The following LDAH variants were observed in gnomAD, a reference collection of about 807,000 sequenced individuals.
The protein encoded by LDAH is lipid droplet-associated hydrolase.
In LDAH, 26 loss-of-function variants were observed where a neutral mutation model predicts 29.6. The ratio of observed to expected loss-of-function variants is 0.88; its 90% CI spans 0.64 to 1.22. The LOEUF (loss-of-function observed/expected upper bound fraction) is 1.22. Ranked by LOEUF, LDAH falls within the 50% of genes most tolerant of loss-of-function variation. LDAH has a pLI of 0.00. For missense variants in LDAH, 344 were observed against 387.3 expected, an observed-to-expected ratio of 0.89 and a Z score of 0.94; for synonymous variants, 117 against 133.0, an observed-to-expected ratio of 0.88 and a Z score of 0.83.
chr2:20,697,584 C>A (rs1663582793), intron 6 of LDAH, among the ~76,000 whole-genome samples: 2 of 152,150 alleles, frequency 1.3e-5, no homozygotes, highest in Admixed American at 6.5e-5. Context: ...CACCCTGTTA[C>A]TCCCATGCTT....
In LDAH at chr2:20,719,198, C is replaced by A. The variant is rs75743331; in HGVS notation, c.704-17546G>T. 5.3e-5 allele frequency among the ~76,000 whole-genome samples: 7 copies of A among 133,260 alleles called. No individual in the cohort carries two copies. In the South Asian group the frequency reaches 1.2e-3, roughly 23 times the overall value. 87.4% of individuals were successfully genotyped at this position (133,260 alleles called of 152,430 possible). ...AATAAATAAAATGGAGACTAAAAAACCACAAAAGATCAATAAAATGAAAAA... is the reference window on the plus strand; with the variant it reads ...AATAAATAAAATGGAGACTAAAAAAACACAAAAGATCAATAAAATGAAAAA... On this transcript the variant is annotated intron_variant, in intron 5 of 6. Transcript: ENST00000237822.
intron 3 of LDAH, among the ~76,000 whole-genome samples, chr2:20,781,915 T>C (rs1362631090): frequency 6.6e-6 from 1 of 152,310 alleles, no homozygotes; most frequent in East Asian, 1.9e-4. Flanking sequence ...TACTAAGTTA[T>C]TAACTCAATA....
chr2:20,813,103 T>C lies in LDAH; in HGVS notation c.-3+9934A>G, dbSNP rs557827239. Among the ~76,000 whole-genome samples the C allele has an allele frequency of 4.6e-5, 7 of 152,312 alleles. No homozygotes were observed. The East Asian group carries it at 5.8e-4, about 13-fold the overall frequency. On this transcript the variant is annotated intron_variant, in intron 1 of 6. Coordinates refer to ENST00000237822, the MANE Select transcript of LDAH (RefSeq NM_021925.4). The stretch of plus-strand genomic sequence containing the variant: ...ATTTTTAAAATTCTACTTATATGCA[T>C]ATATATAATTTCACTTATATGGATA...
In LDAH at chr2:20,685,022, G is replaced by A; in HGVS notation, c.*1881C>T. The stretch of plus-strand genomic sequence containing the variant: ...AACTGCTCAAATTGTACCCTCTCTT[G>A]CCCAACACAGAGATCAGGCCAGACC... On this transcript the variant is annotated 3_prime_UTR_variant, in exon 7 of 7. Coordinates refer to ENST00000237822, the MANE Select transcript of LDAH (RefSeq NM_021925.4). 1 of 1,465,592 alleles carries A rather than the reference G, an allele frequency of 6.8e-7. No individual in the cohort carries two copies. The highest frequency in any genetic ancestry group is 9.2e-7 in the Non-Finnish European group (1 of 1,087,402). 90.8% of individuals were successfully genotyped at this position (1,465,592 alleles called of 1,614,324 possible).
chr2:20,778,582 T>A (rs544869411), intron 3 of LDAH, among the ~76,000 whole-genome samples: 4 of 152,190 alleles, frequency 2.6e-5, no homozygotes, highest in Admixed American at 6.5e-5. Context: ...CCCTTGGTAT[T>A]ATTGAAAGTA....
chr2:20,757,767 C>T lies in LDAH; in HGVS notation c.468+17043G>A, dbSNP rs370483464. On this transcript the variant is annotated intron_variant, in intron 4 of 6. Coordinates refer to ENST00000237822, the MANE Select transcript of LDAH (RefSeq NM_021925.4). ...GTTTAATAAAAGAGAATTCCTTCTG[C>T]CTGACCACCTTCAAGCTAGGACTTT... Among the ~76,000 whole-genome samples, 3 of 152,176 alleles carry T rather than the reference C, an allele frequency of 2.0e-5. No individual in the cohort carries two copies. The South Asian group carries it at 6.2e-4, about 32-fold the overall frequency.
At chr2:20,822,882 G>C (rs969246536) in intron 1 of LDAH, among the ~76,000 whole-genome samples, 155 bp downstream of exon 1, 2 of 152,220 alleles carry the variant, frequency 1.3e-5, no homozygotes, top group Admixed American at 1.3e-4. Context: ...GCGAGCTGTC[G>C]GAACAGTATT....
intron 3 of LDAH, among the ~76,000 whole-genome samples, chr2:20,777,132 T>C (rs757516958): frequency 1.3e-5 from 2 of 152,224 alleles, no homozygotes; most frequent in African/African-American, 4.8e-5. Flanking sequence ...CCTCCAAATA[T>C]ATACCAAGAA....
At chr2:20,812,536 C>T (rs140776321) in intron 1 of LDAH, among the ~76,000 whole-genome samples, 67 of 152,328 alleles carry the variant, frequency 4.4e-4, no homozygotes, top group African/African-American at 1.5e-3. Context: ...ATAAACCCTA[C>T]ATCATGACTT....
intron 4 of LDAH, among the ~76,000 whole-genome samples, chr2:20,759,911 T>A (rs1668563082): frequency 6.6e-6 from 1 of 152,220 alleles, no homozygotes; most frequent in Non-Finnish European, 1.5e-5. Flanking sequence ...CCACAGGGCC[T>A]CTCAATATCC....
chr2:20,820,552 GGC>G (rs1673190583), intron 1 of LDAH, among the ~76,000 whole-genome samples: 1 of 152,204 alleles, frequency 6.6e-6, no homozygotes, highest in South Asian at 2.1e-4. Context: ...TGGGAAAACT[GGC>G]TAGCCATATG....
chr2:20,694,709 G>C (rs996771332), intron 6 of LDAH, among the ~76,000 whole-genome samples: 1 of 152,194 alleles, frequency 6.6e-6, no homozygotes, highest in Non-Finnish European at 1.5e-5. Context: ...GGAGCGGTGG[G>C]AATGGGAGCG....
chr2:20,791,001 GTCTTCACAGCTACTAGTCCATT>G (rs1670909682), intron 2 of LDAH, among the ~76,000 whole-genome samples: 1 of 152,146 alleles, frequency 6.6e-6, no homozygotes, highest in Non-Finnish European at 1.5e-5. Context: ...TCTATATAAA[GTCTTCACAGCTACTAGTCCATT>G]TCCATCAATA....
chr2:20,704,861 G>C (rs1249294916), intron 5 of LDAH, among the ~76,000 whole-genome samples: 2 of 152,120 alleles, frequency 1.3e-5, no homozygotes, highest in Non-Finnish European at 2.9e-5. Context: ...ATTCCCAAAT[G>C]TACAAACACA....
At position 20,684,697 on chromosome 2, in the gene LDAH, C is replaced by A. The variant is rs961726013; in HGVS notation, c.*2206G>T. ...AGAGGGCTTGTGGAGATGCTTATGGCTGGGAACAGACTAGGAACAAACACG... is the reference window on the plus strand; with the variant it reads ...AGAGGGCTTGTGGAGATGCTTATGGATGGGAACAGACTAGGAACAAACACG... On this transcript the variant is annotated 3_prime_UTR_variant, in exon 7 of 7. Transcript: ENST00000237822. The A allele has an allele frequency of 8.7e-5, 50 of 575,716 alleles. No individual in the cohort carries two copies. In the African/African-American group the frequency reaches 8.9e-4, roughly 10 times the overall value. The allele number at this position is 575,716 out of a possible 1,614,324, so 35.7% of individuals were successfully genotyped here.
At chr2:20,774,065 G>A (rs1217873223) in intron 4 of LDAH, among the ~76,000 whole-genome samples, 1 of 152,166 alleles carries the variant, frequency 6.6e-6, no homozygotes, top group African/African-American at 2.4e-5. Context: ...CACATGGAAA[G>A]GGCTTAATAT....
At chr2:20,704,861 G>A (rs1249294916) in intron 5 of LDAH, among the ~76,000 whole-genome samples, 1 of 152,120 alleles carries the variant, frequency 6.6e-6, no homozygotes, top group Non-Finnish European at 1.5e-5. Flanking sequence ...ATTCCCAAAT[G>A]TACAAACACA....
chr2:20,806,098 T>C (rs1043902077), intron 1 of LDAH, among the ~76,000 whole-genome samples: 8 of 152,214 alleles, frequency 5.3e-5, no homozygotes, highest in African/African-American at 1.9e-4. Flanking sequence ...TTTTTTAAGG[T>C]TTGTGTTGCA....
intron 1 of LDAH, among the ~76,000 whole-genome samples, chr2:20,810,884 C>G (rs575246): frequency 6.6e-6 from 1 of 152,032 alleles, no homozygotes; most frequent in South Asian, 2.1e-4. Flanking sequence ...TGTATGCTCC[C>G]TATGAGAAAC....
Sources: allele counts gnomAD v4.1 joint callset (sites outside exome capture counted in the v4.1 genomes callset), GRCh38; gene constraint gnomAD v4.1.1; transcripts MANE v1.5; gene names NCBI Gene and HGNC (gene_info 2026-07-23, HGNC 2026-07-21).